The following KLB variants were observed in gnomAD, a reference collection of about 807,000 sequenced individuals.
The protein encoded by KLB is klotho beta.
In KLB, 44 loss-of-function variants were observed where a neutral mutation model predicts 88.4. The ratio of observed to expected loss-of-function variants is 0.50; its 90% confidence interval spans 0.39 to 0.64. KLB has a LOEUF of 0.64. Among genes scored for constraint, KLB ranks in the 30% least tolerant of loss-of-function variants. The probability of loss-of-function intolerance (pLI) is 0.00; values close to 1 mark genes in which losing one functional copy is unlikely to be tolerated. For missense variants in KLB, 1,137 were observed against 1,304.8 expected (o/e 0.87, Z 1.98); for synonymous variants, 548 against 513.4 (o/e 1.07, Z -0.91).
In KLB at chr4:39,434,536, C is replaced by T; in HGVS notation, c.1152C>T (p.Thr384=). 1.2e-6 allele frequency: 2 copies of T among 1,614,142 alleles called. No individual in the cohort carries two copies. Among genetic ancestry groups the T allele is most frequent in the Non-Finnish European group, 1.7e-6 (2 of 1,180,016 alleles). ...FGPNNFKPLN[T]MAKMGQNVSL... is the part of the protein sequence containing the mutation. Reference sequence around the variant, plus strand: ...CCAACAACTTCAAGCCCCTAAACACCATGGCTAAAATGGGACAAAATGTTT... The same window carrying T: ...CCAACAACTTCAAGCCCCTAAACACTATGGCTAAAATGGGACAAAATGTTT... Residue 384 remains threonine, a synonymous_variant, in exon 2 of 5, where the codon ACC becomes ACT. Coordinates refer to ENST00000257408, the MANE Select transcript of KLB (RefSeq NM_175737.4).
chr4:39,445,171 G>GTTC (rs1743707894), intron 3 of KLB, among the ~76,000 whole-genome samples: 1 of 152,182 alleles, frequency 6.6e-6, no homozygotes, highest in Non-Finnish European at 1.5e-5. Flanking sequence ...GCGCTTTAGA[G>GTTC]TTCCCAGAGC....
chr4:39,437,609 A>C (rs778353501), intron 2 of KLB, 118 bp from the exon 3 acceptor site: 7 of 1,220,934 alleles, frequency 5.7e-6, no homozygotes, highest in East Asian at 4.7e-5. Flanking sequence ...AGCAGACCTG[A>C]AAATTAGGGC....
Position 39,407,041 on chromosome 4 carries a change from C to G in KLB, c.92C>G (p.Ser31Cys). ...EITTRYRNTM[S>C]NGGLQRSVIL... ...ACCACACGCTATAGGAATACAATGT[C>G]CAACGGGGGATTGCAAAGATCTGTC... The change falls in exon 1 of 5, where the codon TCC (serine) becomes TGC (cysteine). Residue 31 changes from serine to cysteine, a missense_variant. Physicochemically the swap from Ser to Cys is moderately radical, Grantham distance 112. Coordinates refer to ENST00000257408, the MANE Select transcript of KLB (RefSeq NM_175737.4). 1 of 1,614,002 alleles carries G rather than the reference C, an allele frequency of 6.2e-7. No individual in the cohort carries two copies. Among genetic ancestry groups the G allele is most frequent in the Non-Finnish European group, 8.5e-7 (1 of 1,179,880 alleles).
chr4:39,442,642 C>T lies in KLB; in HGVS notation c.1606-3690C>T, dbSNP rs138080743. Among the ~76,000 whole-genome samples the T allele has an allele frequency of 5.8e-3, 877 of 152,168 alleles. 9 individuals are homozygous for T. The highest frequency in any genetic ancestry group is 0.02 in the African/African-American group (832 of 41,512). On this transcript the variant is annotated intron_variant, in intron 3 of 4. Coordinates refer to ENST00000257408, the MANE Select transcript of KLB (RefSeq NM_175737.4). ...TAGAGACGGGGTTTCACTATTTTGG[C>T]CAGGCTGCTCTCGAACTCCTGACCT...
chr4:39,443,160 G>T (rs1330281948), intron 3 of KLB, among the ~76,000 whole-genome samples: 2 of 152,108 alleles, frequency 1.3e-5, no homozygotes, highest in Non-Finnish European at 2.9e-5. Flanking sequence ...GGAGGTAAAT[G>T]ATGTCAATTT....
chr4:39,446,498 G>C lies in KLB; in HGVS notation c.1772G>C (p.Arg591Thr). 6.2e-7 allele frequency: 1 copy of C among 1,614,260 alleles called. No homozygotes were observed. The highest frequency in any genetic ancestry group is 8.5e-7 in the Non-Finnish European group (1 of 1,180,050). The change falls in exon 4 of 5, where the codon AGA (arginine) becomes ACA (threonine). Residue 591 changes from arginine (R) to threonine (T), a missense_variant. Arg to Thr is a moderately conservative substitution (Grantham distance 71). This residue lies in a region of KLB where 597 missense variants were observed against 765.2 expected (regional missense o/e 0.78). Coordinates refer to ENST00000257408, the MANE Select transcript of KLB (RefSeq NM_175737.4). This position sits in a 1 kb window ranked among gnomAD's most constrained non-coding sequence, Gnocchi z 6.4. ...AAAAAACAACTTGAGATGTTGGCAA[G>C]AATGAAAGTCACCCACTACCGGTTT... ...NIKKQLEMLA[R>T]MKVTHYRFAL...
At chr4:39,412,870 T>G (rs1252699411) in intron 1 of KLB, among the ~76,000 whole-genome samples, 4 of 152,254 alleles carry the variant, frequency 2.6e-5, no homozygotes, top group Non-Finnish European at 5.9e-5. Context: ...TCTTAAATAC[T>G]GTAATCAAAA....
At chr4:39,419,294 A>G (rs1743028371) in intron 1 of KLB, among the ~76,000 whole-genome samples, 1 of 152,196 alleles carries the variant, frequency 6.6e-6, no homozygotes, top group Admixed American at 6.5e-5. Context: ...GCTTGATTTG[A>G]TATGAGCACT....
At chr4:39,422,372 C>T (rs1199252368) in intron 1 of KLB, among the ~76,000 whole-genome samples, 1 of 152,158 alleles carries the variant, frequency 6.6e-6, no homozygotes, top group Non-Finnish European at 1.5e-5. Context: ...GAGGTCCACA[C>T]TCTACCTCTA....
intron 1 of KLB, among the ~76,000 whole-genome samples, chr4:39,421,031 G>A (rs561034477): frequency 4.6e-5 from 7 of 151,982 alleles, no homozygotes; most frequent in Non-Finnish European, 5.9e-5. Context: ...TTTTTGAATC[G>A]TATTATTACA....
At position 39,407,132 on chromosome 4, in the gene KLB, G is replaced by A; in HGVS notation, c.183G>A (p.Trp61Ter). The A allele has an allele frequency of 2.5e-6, 4 of 1,614,118 alleles. No homozygotes were observed. The highest frequency in any genetic ancestry group is 3.4e-6 in the Non-Finnish European group (4 of 1,180,010). Reference protein sequence around the residue: ...TGFSGDGRAIWSKNPNFTPVN... With the variant: ...TGFSGDGRAI Reference sequence around the variant, plus strand: ...TCTCTGGAGATGGAAGAGCTATATGGTCTAAAAATCCTAATTTTACTCCGG... The same window carrying A: ...TCTCTGGAGATGGAAGAGCTATATGATCTAAAAATCCTAATTTTACTCCGG... The change falls in exon 1 of 5, where the codon TGG (tryptophan) becomes TGA (stop). Residue 61 changes from tryptophan to a stop codon, truncating the protein, a stop_gained. Transcript: ENST00000257408. LOFTEE classifies it high-confidence loss of function.
chr4:39,446,983 T>C lies in KLB; in HGVS notation c.2257T>C (p.Tyr753His). The C allele has an allele frequency of 1.9e-6, 3 of 1,609,018 alleles. No homozygotes were observed. The highest frequency in any genetic ancestry group is 1.1e-5 in the South Asian group (1 of 91,076). ...HADWAEPANP[Y>H]ADSHWRAAER... ...GGACTGGGCGGAACCCGCCAACCCC[T>C]ATGCTGACTCGCACTGGAGGGCGGC... The change falls in exon 4 of 5, where the codon TAT becomes CAT. Residue 753 changes from tyrosine to histidine, a missense_variant. By Grantham distance (83) the Tyr-to-His change is moderately conservative. This residue lies in a region of KLB where 426 missense variants were observed against 404.6 expected (regional missense o/e 1.05). Transcript: ENST00000257408. This position sits in a 1 kb window ranked among gnomAD's most constrained non-coding sequence, Gnocchi z 6.4.
chr4:39,445,812 G>GCGCC (rs1276505974), intron 3 of KLB, among the ~76,000 whole-genome samples: 3 of 151,260 alleles, frequency 2.0e-5, no homozygotes, highest in African/African-American at 7.3e-5. Context: ...ATGAGCCACC[G>GCGCC]CGCCCGGCCT....
At chr4:39,414,862 C>T (rs1299258504) in intron 1 of KLB, among the ~76,000 whole-genome samples, 3 of 131,276 alleles carry the variant, frequency 2.3e-5, no homozygotes, top group East Asian at 2.2e-4. Flanking sequence ...GAGCAAGACT[C>T]TGTCTCAGGA....
chr4:39,429,801 T>C (rs897466680), intron 1 of KLB, among the ~76,000 whole-genome samples: 2 of 152,180 alleles, frequency 1.3e-5, no homozygotes, highest in Non-Finnish European at 2.9e-5. Flanking sequence ...CTCACGATCT[T>C]GGAGCAAAAT....
At chr4:39,430,406 T>TCAAAA (rs1743319287) in intron 1 of KLB, among the ~76,000 whole-genome samples, 1 of 5,880 alleles carries the variant, frequency 1.7e-4, no homozygotes, top group Admixed American at 1.5e-3. Context: ...TTGTTTCTAA[T>TCAAAA]TAGAAAAAAA....
chr4:39,430,046 A>G (rs1238464286), intron 1 of KLB, among the ~76,000 whole-genome samples: 1 of 152,240 alleles, frequency 6.6e-6, no homozygotes, highest in African/African-American at 2.4e-5. Context: ...CCTGCATGGA[A>G]AGCTACTGCA....
intron 1 of KLB, among the ~76,000 whole-genome samples, chr4:39,429,130 T>C (rs1203156408): frequency 6.6e-6 from 1 of 152,254 alleles, no homozygotes; most frequent in Non-Finnish European, 1.5e-5. Flanking sequence ...TGTTATTTAA[T>C]AGTCTATTAA....
Position 39,446,247 on chromosome 4 carries a change from G to C in KLB, c.1606-85G>C. The C allele has an allele frequency of 7.8e-7, 1 of 1,289,660 alleles. No individual in the cohort carries two copies. The highest frequency in any genetic ancestry group is 1.4e-5 in the South Asian group (1 of 71,646). 79.9% of individuals were successfully genotyped at this position (1,289,660 alleles called of 1,614,324 possible). ...CCTGGCGTGGTGGCCTGTAATCCCA[G>C]CACTTTGGGAGGCAGAGGTAGGCAG... is the stretch of plus-strand genomic sequence containing the variant. On this transcript the variant is annotated intron_variant, in intron 3 of 4. Transcript: ENST00000257408. This position sits in a 1 kb window ranked among gnomAD's most constrained non-coding sequence, Gnocchi z 6.4.
Sources: allele counts gnomAD v4.1 joint callset (sites outside exome capture counted in the v4.1 genomes callset), GRCh38; gene constraint gnomAD v4.1.1; regional missense constraint gnomAD v4.1.1; non-coding constraint Gnocchi (gnomAD v3.1); transcripts MANE v1.5; gene names NCBI Gene and HGNC (gene_info 2026-07-23, HGNC 2026-07-21).